KAT2B: variants seen among roughly 807,000 people sequenced by gnomAD.
KAT2B encodes the protein histone acetyltransferase KAT2B.
Under a neutral mutation model 105.9 loss-of-function variants are expected in KAT2B, and 36 were observed. The ratio of observed to expected loss-of-function variants is 0.34; its 90% confidence interval spans 0.26 to 0.45. KAT2B has a LOEUF of 0.45. KAT2B is among the 20% of genes least tolerant of loss of function. The pLI, the probability that KAT2B is intolerant of heterozygous loss-of-function variation, is 1.00. For synonymous variants in KAT2B, 397 were observed against 377.9 expected (o/e 1.05, Z -0.59); for missense variants, 820 against 1,021.6 (o/e 0.80, Z 2.69).
intron 1 of KAT2B, among the ~76,000 whole-genome samples, chr3:20,059,721 C>CA (rs910789526): frequency 2.0e-5 from 3 of 151,780 alleles, no homozygotes; most frequent in Non-Finnish European, 4.4e-5. Flanking sequence ...AAAACAAAAA[C>CA]AAAAAAAACT....
intron 6 of KAT2B, among the ~76,000 whole-genome samples, chr3:20,114,300 A>G (rs189630099): frequency 1.3e-5 from 2 of 152,134 alleles, no homozygotes; most frequent in Non-Finnish European, 2.9e-5. Flanking sequence ...TCTGTGCCCT[A>G]GTTTCTTCAT....
At chr3:20,080,703 G>A (rs191246626) in intron 2 of KAT2B, among the ~76,000 whole-genome samples, 1 of 152,334 alleles carries the variant, frequency 6.6e-6, no homozygotes, top group African/African-American at 2.4e-5. Context: ...CACTAGCCAT[G>A]TGTGGCTATT....
chr3:20,117,824 A>C (rs1443097024), intron 7 of KAT2B, among the ~76,000 whole-genome samples: 1 of 152,220 alleles, frequency 6.6e-6, no homozygotes. Flanking sequence ...GCTACCAGTC[A>C]GCAACACAGC....
chr3:20,063,474 G>A (rs1009757830), intron 1 of KAT2B, among the ~76,000 whole-genome samples: 8 of 143,098 alleles, frequency 5.6e-5, no homozygotes, highest in African/African-American at 1.5e-4. Context: ...GTCTCGCCCT[G>A]TTGCTCAGGC....
chr3:20,118,328 T>TTGTGTGTG (rs10558647), intron 7 of KAT2B, among the ~76,000 whole-genome samples: 18 of 139,196 alleles, frequency 1.3e-4, no homozygotes, highest in Non-Finnish European at 2.6e-4. Context: ...TCTCCTAAAT[T>TTGTGTGTG]TGTGTGTGTG....
chr3:20,142,066 C>T (rs982849133), intron 13 of KAT2B, among the ~76,000 whole-genome samples: 1 of 152,190 alleles, frequency 6.6e-6, no homozygotes, highest in Non-Finnish European at 1.5e-5. Context: ...CTCCTCCCAG[C>T]AGCACTAATT....
chr3:20,136,480 C>G (rs1699601312), intron 11 of KAT2B, among the ~76,000 whole-genome samples: 1 of 151,844 alleles, frequency 6.6e-6, no homozygotes, highest in African/African-American at 2.4e-5. Flanking sequence ...TTGTGGTGTA[C>G]AGTAAACACT....
At chr3:20,070,983 TG>T (rs1424687157) in intron 1 of KAT2B, among the ~76,000 whole-genome samples, 2 of 147,840 alleles carry the variant, frequency 1.4e-5, no homozygotes, top group African/African-American at 5.0e-5. Flanking sequence ...CACTCCAGCC[TG>T]GGCAACACAG....
intron 1 of KAT2B, among the ~76,000 whole-genome samples, chr3:20,059,585 G>A (rs952618406): frequency 3.8e-4 from 58 of 151,830 alleles, no homozygotes; most frequent in African/African-American, 1.4e-3. Flanking sequence ...GGCGCCTGTA[G>A]TCCCAGCTAC....
intron 1 of KAT2B, among the ~76,000 whole-genome samples, chr3:20,053,347 G>A (rs889458531): frequency 3.9e-5 from 6 of 152,082 alleles, no homozygotes; most frequent in African/African-American, 1.4e-4. Flanking sequence ...ACCAGCCTGG[G>A]CAACATAATG....
Position 20,122,722 on chromosome 3 carries a change from G to T in KAT2B, c.1331G>T (p.Arg444Leu). The change falls in exon 9 of 18, where the codon CGA (arginine) becomes CTA (leucine). Residue 444 changes from arginine to leucine, a missense_variant. By Grantham distance (102) the Arg-to-Leu change is moderately radical. This residue lies in a region of KAT2B where 225 missense variants were observed against 268.1 expected (regional missense o/e 0.84). Transcript: ENST00000263754. ...GTTCTGGAGGAGGCCAAGAAACCCC[G>T]AGTTATGGGGGATATTCCGATGGAA... is the stretch of plus-strand genomic sequence containing the variant. The part of the protein sequence containing the change: ...SHVLEEAKKP[R>L]VMGDIPMELI... 6.2e-7 allele frequency: 1 copy of T among 1,613,994 alleles called. No individual in the cohort carries two copies. The highest frequency in any genetic ancestry group is 1.1e-5 in the South Asian group (1 of 91,062).
chr3:20,089,415 T>C (rs1163822478), intron 2 of KAT2B, among the ~76,000 whole-genome samples: 1 of 151,186 alleles, frequency 6.6e-6, no homozygotes. Flanking sequence ...TTTTTTTTTT[T>C]TTTGAGATGG....
At chr3:20,115,922 G>T (rs1486990250) in intron 7 of KAT2B, among the ~76,000 whole-genome samples, 1 of 152,136 alleles carries the variant, frequency 6.6e-6, no homozygotes, top group East Asian at 1.9e-4. Flanking sequence ...CATTTGAGAG[G>T]TGATTTTTGA....
chr3:20,133,914 T>G (rs1284153406), intron 11 of KAT2B, among the ~76,000 whole-genome samples: 1 of 152,236 alleles, frequency 6.6e-6, no homozygotes, highest in Non-Finnish European at 1.5e-5. Context: ...TATTTATTCT[T>G]GTTCTAGCCT....
At chr3:20,093,497 T>C (rs1698758594) in intron 2 of KAT2B, among the ~76,000 whole-genome samples, 1 of 151,980 alleles carries the variant, frequency 6.6e-6, no homozygotes, top group African/African-American at 2.4e-5. Flanking sequence ...AGAGTTGTGG[T>C]AAGGAGGGGG....
chr3:20,106,452 C>CACAG (rs138328807), intron 5 of KAT2B, among the ~76,000 whole-genome samples: 25,049 of 151,922 alleles, frequency 0.16, 2,229 homozygotes, highest in Middle Eastern at 0.23. Context: ...CACACACACA[C>CACAG]ACACACACAC....
At chr3:20,060,312 A>G (rs984784582) in intron 1 of KAT2B, among the ~76,000 whole-genome samples, 6 of 152,170 alleles carry the variant, frequency 3.9e-5, no homozygotes, top group Non-Finnish European at 7.4e-5. Context: ...GTTTCTTAAA[A>G]AACTGTGGGC....
intron 2 of KAT2B, among the ~76,000 whole-genome samples, chr3:20,089,567 A>AT (rs1559309126): frequency 6.6e-6 from 1 of 151,512 alleles, no homozygotes; most frequent in African/African-American, 2.4e-5. Flanking sequence ...TGCCCGGCTA[A>AT]TTTTTTTTAT....
rs35424474 is a variant in KAT2B, at chr3:20,099,864, C to T, written c.579C>T (p.Leu193=). 206,354 of 1,548,558 alleles carry T rather than the reference C, an allele frequency of 0.13. 14,912 individuals are homozygous for T. The highest frequency in any genetic ancestry group is 0.18 in the Admixed American group (9,647 of 55,104). ...TKQVYFYLFK[L]LRKSILQRGK... is the part of the protein sequence containing the mutation. Reference sequence around the variant, plus strand: ...TTTTTTTAATGATTTCTTTGCAGCTCTTGAGAAAGTCTATTTTACAAAGAG... The same window carrying T: ...TTTTTTTAATGATTTCTTTGCAGCTTTTGAGAAAGTCTATTTTACAAAGAG... The change falls in exon 4 of 18, where the codon CTC becomes CTT. Residue 193 remains leucine, a splice_region_variant and synonymous_variant. Transcript: ENST00000263754.
Sources: allele counts gnomAD v4.1 joint callset (sites outside exome capture counted in the v4.1 genomes callset), GRCh38; gene constraint gnomAD v4.1.1; regional missense constraint gnomAD v4.1.1; transcripts MANE v1.5; gene names NCBI Gene and HGNC (gene_info 2026-07-23, HGNC 2026-07-21).